Variants in PCDH15 observed in about 807,000 individuals in gnomAD.
The protein encoded by PCDH15 is protocadherin related 15, also known as protocadherin-15.
Under a neutral mutation model 178.5 loss-of-function variants are expected in PCDH15, and 129 were observed. That is an observed-to-expected ratio of 0.72 (90% CI 0.63 to 0.84). The LOEUF is 0.84. Ranked by LOEUF, PCDH15 falls within the 40% of genes least tolerant of loss-of-function variation. The pLI is 0.00. For synonymous variants in PCDH15, 800 were observed against 732.0 expected (o/e 1.09, Z -1.50); for missense variants, 2,230 against 2,099.9 (o/e 1.06, Z -1.21).
intron 1 of PCDH15, among the ~76,000 whole-genome samples, chr10:55,287,456 G>A (rs1842900140): frequency 6.6e-6 from 1 of 151,904 alleles, no homozygotes; most frequent in Non-Finnish European, 1.5e-5. Flanking sequence ...TGTTATCCTT[G>A]GGAAACTATC....
intron 2 of PCDH15, among the ~76,000 whole-genome samples, chr10:55,402,672 A>G (rs1838100105): frequency 6.6e-6 from 1 of 152,030 alleles, no homozygotes; most frequent in Non-Finnish European, 1.5e-5. Context: ...TTTATGTCTG[A>G]ATAAAATTTC....
chr10:54,722,137 T>A (rs1484005064), intron 1 of PCDH15, among the ~76,000 whole-genome samples: 1 of 151,836 alleles, frequency 6.6e-6, no homozygotes, highest in Non-Finnish European at 1.5e-5. Flanking sequence ...TCTCAAGAGA[T>A]GCAGAAAATT....
At chr10:55,445,463 T>A (rs1290327714) in intron 2 of PCDH15, among the ~76,000 whole-genome samples, 2 of 152,128 alleles carry the variant, frequency 1.3e-5, no homozygotes, top group Non-Finnish European at 2.9e-5. Context: ...TTTCTGAGCC[T>A]CAGTTTCATC....
At chr10:55,093,169 G>T (rs1272979342) in intron 2 of PCDH15, among the ~76,000 whole-genome samples, 2 of 151,880 alleles carry the variant, frequency 1.3e-5, no homozygotes, top group South Asian at 2.1e-4. Flanking sequence ...ATTATAGTTT[G>T]GGCTGTCAAT....
At chr10:55,449,304 T>C (rs887286059) in intron 2 of PCDH15, among the ~76,000 whole-genome samples, 2 of 152,052 alleles carry the variant, frequency 1.3e-5, no homozygotes, top group Non-Finnish European at 1.5e-5. Flanking sequence ...TTTACTATTT[T>C]GTACAATGTT....
chr10:54,969,071 C>T (rs1485870273), intron 2 of PCDH15, among the ~76,000 whole-genome samples: 1 of 135,794 alleles, frequency 7.4e-6, no homozygotes, highest in African/African-American at 2.9e-5. Context: ...ACTCTGAGGT[C>T]TGTTTCTATT....
chr10:55,079,811 G>A (rs945127553), intron 2 of PCDH15, among the ~76,000 whole-genome samples: 1 of 152,146 alleles, frequency 6.6e-6, no homozygotes, highest in Admixed American at 6.6e-5. Context: ...CATGAGGAAA[G>A]TGTGCTGATG....
chr10:54,086,250 A>G (rs1165266973), intron 16 of PCDH15, among the ~76,000 whole-genome samples: 2 of 152,104 alleles, frequency 1.3e-5, no homozygotes, highest in African/African-American at 4.8e-5. Flanking sequence ...GTGAGAAAGG[A>G]AGCAAGAAAG....
rs906888690 is a variant in PCDH15 at position 54,848,173 on chromosome 10, G to A, written c.-29+49277C>T. On this transcript the variant is annotated intron_variant, in intron 3 of 5. Transcript: ENST00000458638. ...GTGGGCAGGTCACCTGAGGTCAGGA[G>A]TTTGAGACCAGCCTGGCCAACATGG... Among the ~76,000 whole-genome samples the A allele has an allele frequency of 2.6e-5, 4 of 152,086 alleles. No homozygotes were observed. In the East Asian group the frequency reaches 5.8e-4, roughly 22 times the overall value.
intron 32 of PCDH15, chr10:53,823,371 G>A: frequency 6.2e-7 from 1 of 1,607,550 alleles, no homozygotes; most frequent in Middle Eastern, 1.7e-4. Flanking sequence ...TGAAAGAAAA[G>A]AAGATAATGA....
intron 3 of PCDH15, among the ~76,000 whole-genome samples, chr10:54,484,951 A>G (rs191945770): frequency 1.3e-5 from 2 of 151,956 alleles, no homozygotes; most frequent in African/African-American, 2.4e-5. Context: ...ATGCCCATAA[A>G]TAATAATCTT....
intron 2 of PCDH15, among the ~76,000 whole-genome samples, chr10:54,924,612 T>C (rs1837570335): frequency 6.6e-6 from 1 of 152,092 alleles, no homozygotes; most frequent in Non-Finnish European, 1.5e-5. Flanking sequence ...TCTGTTATTT[T>C]TTTTTACCTT....
In PCDH15 at chr10:54,632,947, T is replaced by C. The variant is rs2093742004; in HGVS notation, c.91+31225A>G. 1.3e-5 allele frequency among the ~76,000 whole-genome samples: 2 copies of C among 152,112 alleles called. 1 individual carries two copies. The highest frequency in any genetic ancestry group is 1.3e-4 in the Admixed American group (2 of 15,268). ...AAGGATAGGTAAGAGACAGATAGCC[T>C]GAATTCCCACTAATGGGAATATTAA... is the stretch of plus-strand genomic sequence containing the variant. On this transcript the variant is annotated intron_variant, in intron 2 of 37. Coordinates refer to ENST00000644397, the MANE Select transcript of PCDH15 (RefSeq NM_001384140.1).
At chr10:53,824,071 T>A (rs972422039) in intron 32 of PCDH15, among the ~76,000 whole-genome samples, 3 of 152,120 alleles carry the variant, frequency 2.0e-5, no homozygotes, top group Admixed American at 2.0e-4. Flanking sequence ...TCAGAAAAGA[T>A]GTTGTCAGTA....
intron 2 of PCDH15, among the ~76,000 whole-genome samples, chr10:55,450,904 CAT>C (rs1355085182): frequency 6.9e-6 from 1 of 145,660 alleles, no homozygotes; most frequent in African/African-American, 2.6e-5. Flanking sequence ...ATGAATAAAA[CAT>C]GTGAAAATTA....
intron 3 of PCDH15, among the ~76,000 whole-genome samples, chr10:54,406,979 G>C (rs190164672): frequency 1.2e-4 from 19 of 152,206 alleles, no homozygotes; most frequent in African/African-American, 3.8e-4. Context: ...TGCAGAACTT[G>C]TGTCTAACAA....
intron 2 of PCDH15, among the ~76,000 whole-genome samples, chr10:54,934,793 G>A (rs11004642): frequency 0.044 from 6,656 of 151,460 alleles, 187 homozygotes; most frequent in South Asian, 0.1. Flanking sequence ...TGTTTATTGC[G>A]GCACTATTCA....
chr10:54,174,737 G>T (rs529723859), intron 13 of PCDH15, among the ~76,000 whole-genome samples: 5 of 102,918 alleles, frequency 4.9e-5, no homozygotes, highest in Admixed American at 1.6e-4. Flanking sequence ...ACAGAGTCTC[G>T]TTCCGTCACC....
intron 3 of PCDH15, among the ~76,000 whole-genome samples, chr10:54,431,243 C>T (rs1173891175): frequency 1.3e-5 from 2 of 151,964 alleles, no homozygotes; most frequent in Non-Finnish European, 2.9e-5. Flanking sequence ...CAGAATACTT[C>T]AAAACTCATT....
Sources: gnomAD v4.1 joint callset for allele counts (sites outside exome capture counted in the v4.1 genomes callset) on GRCh38, gnomAD v4.1.1 for gene constraint, MANE v1.5 for transcripts, NCBI Gene and HGNC (gene_info 2026-07-23, HGNC 2026-07-21) for gene names.